Variants in FNTB observed in about 807,000 individuals in gnomAD.
The protein encoded by FNTB is protein farnesyltransferase subunit beta.
Under a neutral mutation model 59.4 loss-of-function variants are expected in FNTB, and 27 were observed. The ratio of observed to expected loss-of-function variants is 0.45; its 90% confidence interval spans 0.34 to 0.63. The LOEUF is 0.63. Ranked by LOEUF, FNTB falls within the 20% of genes least tolerant of loss-of-function variation. The pLI, the probability that FNTB is intolerant of heterozygous loss-of-function variation, is 0.02. For synonymous variants in FNTB, 230 were observed against 220.7 expected, an observed-to-expected ratio of 1.04 and a Z score of -0.37; for missense variants, 449 against 559.6, an observed-to-expected ratio of 0.80 and a Z score of 1.99.
intron 7 of FNTB, among the ~76,000 whole-genome samples, chr14:65,034,138 A>G (rs914135199): frequency 6.6e-6 from 1 of 152,174 alleles, no homozygotes; most frequent in African/African-American, 2.4e-5. Context: ...AACATAGTCA[A>G]ACCCTTCAGG....
rs1377716261 is a variant in FNTB at position 65,044,154 on chromosome 14, G to A, written c.823-157G>A. ...TCACTCTGTGTCTATGGCAGTGTGGGGAGGGAAGGAAAGAAAACCAGAGCA... is the reference window on the plus strand; with the variant it reads ...TCACTCTGTGTCTATGGCAGTGTGGAGAGGGAAGGAAAGAAAACCAGAGCA... On this transcript the variant is annotated intron_variant, in intron 8 of 11. Coordinates refer to ENST00000246166, the MANE Select transcript of FNTB (RefSeq NM_002028.4). This position sits in a 1 kb window ranked among gnomAD's most constrained non-coding sequence, Gnocchi z 5.5. Among the ~76,000 whole-genome samples, 1 of 152,170 alleles carries A rather than the reference G, an allele frequency of 6.6e-6. No homozygotes were observed. The highest frequency in any genetic ancestry group is 2.4e-5 in the African/African-American group (1 of 41,428).
Position 65,045,126 on chromosome 14 carries a change from TTCTC to T in FNTB, c.955+689_955+692del, listed in dbSNP as rs112266198. 4.6e-3 allele frequency among the ~76,000 whole-genome samples: 699 copies of T among 152,216 alleles called. 8 individuals are homozygous for T. Among genetic ancestry groups the T allele is most frequent in the East Asian group, 0.039 (204 of 5,176 alleles). On this transcript the variant is annotated intron_variant, in intron 9 of 11. Transcript: ENST00000246166. ...TTAGTGAGCAAAAAGTCTGGGAACA[TTCTC>T]TCTCTATCTCTTGAAACCTCAGTCT... is the stretch of plus-strand genomic sequence containing the variant.
chr14:64,987,258 C>A, intron 1 of FNTB, 161 bp downstream of exon 1: 2 of 835,948 alleles, frequency 2.4e-6, no homozygotes, highest in Non-Finnish European at 3.7e-6. Flanking sequence ...CAGGCTTGGG[C>A]TTCGTCGTGG....
At chr14:64,995,620 A>G (rs904847222) in intron 1 of FNTB, among the ~76,000 whole-genome samples, 3 of 151,492 alleles carry the variant, frequency 2.0e-5, no homozygotes, top group Non-Finnish European at 4.4e-5. Context: ...GCACATTACT[A>G]TATTAGTTTA....
chr14:65,021,666 G>A (rs1161885138), intron 4 of FNTB, among the ~76,000 whole-genome samples: 1 of 151,614 alleles, frequency 6.6e-6, no homozygotes, highest in Middle Eastern at 3.2e-3. Flanking sequence ...TTTTTCCTTT[G>A]AGGCAGTCTT....
chr14:65,013,667 C>A (rs1249751211), intron 3 of FNTB, among the ~76,000 whole-genome samples: 1 of 152,166 alleles, frequency 6.6e-6, no homozygotes, highest in Non-Finnish European at 1.5e-5. Flanking sequence ...CTTGCCTCAG[C>A]CTTCTGAGTG....
intron 1 of FNTB, among the ~76,000 whole-genome samples, chr14:64,995,667 T>C (rs1888364107): frequency 6.6e-6 from 1 of 150,770 alleles, no homozygotes; most frequent in Non-Finnish European, 1.5e-5. Flanking sequence ...AGTTGATACA[T>C]ACTTAGTTTA....
intron 7 of FNTB, among the ~76,000 whole-genome samples, chr14:65,033,736 A>G (rs548509327): frequency 1.1e-4 from 17 of 152,310 alleles, no homozygotes; most frequent in Admixed American, 2.0e-4. Flanking sequence ...GGGCGCCTGT[A>G]GTCCCAGCTA....
chr14:65,038,709 C>T (rs1222986195), intron 7 of FNTB, among the ~76,000 whole-genome samples: 1 of 152,120 alleles, frequency 6.6e-6, no homozygotes, highest in Admixed American at 6.5e-5. Context: ...CAGAGCGAGA[C>T]TCTGTCTCAA....
Position 64,986,895 on chromosome 14 carries a change from A to C in FNTB, c.-59A>C, listed in dbSNP as rs891023979. ...TAGCGCTTTAGCCCGCTCGAGTTTCAATGCGCGTTGTTGCTTAACGAAGCA... is the reference window on the plus strand; with the variant it reads ...TAGCGCTTTAGCCCGCTCGAGTTTCCATGCGCGTTGTTGCTTAACGAAGCA... On this transcript the variant is annotated 5_prime_UTR_variant, in exon 1 of 12. Transcript: ENST00000246166. The C allele has an allele frequency of 1.9e-6, 3 of 1,600,584 alleles. No individual in the cohort carries two copies.
intron 1 of FNTB, among the ~76,000 whole-genome samples, chr14:64,996,945 C>T (rs1385141437): frequency 2.6e-5 from 4 of 151,862 alleles, no homozygotes; most frequent in Non-Finnish European, 5.9e-5. Flanking sequence ...TCCTTTTATG[C>T]ATTCATAAAC....
At chr14:65,006,817 A>G (rs1402796791) in intron 2 of FNTB, among the ~76,000 whole-genome samples, 1 of 152,122 alleles carries the variant, frequency 6.6e-6, no homozygotes, top group Non-Finnish European at 1.5e-5. Context: ...TTTTATTCAC[A>G]CTGAGATATG....
At chr14:65,055,383 A>C (rs1248428473) in intron 11 of FNTB, among the ~76,000 whole-genome samples, 2 of 152,202 alleles carry the variant, frequency 1.3e-5, no homozygotes, top group Non-Finnish European at 2.9e-5. Context: ...TTTTGTGTGC[A>C]GTTCCCTACT....
intron 4 of FNTB, among the ~76,000 whole-genome samples, chr14:65,021,669 G>T (rs1406195750): frequency 3.9e-5 from 6 of 151,976 alleles, no homozygotes; most frequent in African/African-American, 1.4e-4. Flanking sequence ...TTCCTTTGAG[G>T]CAGTCTTGCT....
chr14:65,023,559 A>C lies in FNTB; in HGVS notation c.375-3894A>C, dbSNP rs184932806. 3.3e-5 allele frequency among the ~76,000 whole-genome samples: 5 copies of C among 152,298 alleles called. No individual in the cohort carries two copies. In the East Asian group the frequency reaches 9.6e-4, roughly 29 times the overall value. On this transcript the variant is annotated intron_variant, in intron 4 of 11. Transcript: ENST00000246166. This position sits in a 1 kb window ranked among gnomAD's most constrained non-coding sequence, Gnocchi z 4.1. Reference sequence around the variant, plus strand: ...TAATGAAAATGTTCTATATTCTGTAAATGTCTATAGGTGTCTATAAACATC... The same window carrying C: ...TAATGAAAATGTTCTATATTCTGTACATGTCTATAGGTGTCTATAAACATC...
chr14:65,060,975 T>G (rs2062853963), intron 11 of FNTB, among the ~76,000 whole-genome samples: 1 of 152,000 alleles, frequency 6.6e-6, no homozygotes, highest in Non-Finnish European at 1.5e-5. Context: ...AATATTTAAA[T>G]GCGTGTTTAT....
intron 4 of FNTB, among the ~76,000 whole-genome samples, chr14:65,021,421 A>G (rs1034314199): frequency 6.6e-6 from 1 of 152,132 alleles, no homozygotes; most frequent in South Asian, 2.1e-4. Context: ...AGCCCCTTAA[A>G]TATTTTTCCT....
At chr14:65,043,059 T>C (rs1020780046) in intron 8 of FNTB, among the ~76,000 whole-genome samples, 1 of 152,182 alleles carries the variant, frequency 6.6e-6, no homozygotes, top group Non-Finnish European at 1.5e-5. Flanking sequence ...TCCCAGTGGC[T>C]CCTTTCAGGA....
At chr14:65,035,972 C>T (rs980486345) in intron 7 of FNTB, among the ~76,000 whole-genome samples, 10 of 151,910 alleles carry the variant, frequency 6.6e-5, no homozygotes, top group Non-Finnish European at 1.2e-4. Flanking sequence ...GCAGAGACCA[C>T]AGGTGTGCAC....
Sources: allele counts gnomAD v4.1 joint callset (sites outside exome capture counted in the v4.1 genomes callset), GRCh38; gene constraint gnomAD v4.1.1; non-coding constraint Gnocchi (gnomAD v3.1); transcripts MANE v1.5; gene names NCBI Gene and HGNC (gene_info 2026-07-23, HGNC 2026-07-21).